The following CFDP1 variants were observed in gnomAD, a reference collection of about 807,000 sequenced individuals.
The protein encoded by CFDP1 is chromatin remodeling protein CFDP1, also known as heterochromatin-stabilizing protein CFDP1.
In CFDP1, 31 loss-of-function variants were observed where a neutral mutation model predicts 40.1. The ratio of observed to expected loss-of-function variants is 0.77; its 90% CI spans 0.58 to 1.04. The LOEUF is 1.04. CFDP1 is among the 50% of genes least tolerant of loss of function. CFDP1 has a pLI of 0.00. For missense variants in CFDP1, 423 were observed against 343.4 expected, an observed-to-expected ratio of 1.23 and a Z score of -1.83; for synonymous variants, 167 against 120.0, an observed-to-expected ratio of 1.39 and a Z score of -2.56.
chr16:75,346,014 A>G (rs1441461281), intron 5 of CFDP1, among the ~76,000 whole-genome samples: 1 of 152,232 alleles, frequency 6.6e-6, no homozygotes, highest in African/African-American at 2.4e-5. Context: ...TGTGAAGTGA[A>G]AAAGAATTGG....
At chr16:75,398,436 G>T (rs4888406) in intron 4 of CFDP1, among the ~76,000 whole-genome samples, 75,057 of 151,886 alleles carry the variant, frequency 0.49, 20,068 homozygotes, top group Admixed American at 0.63. Context: ...GAAAGTGAAT[G>T]GGCCTTCATG....
chr16:75,308,280 CT>C (rs146649587), intron 5 of CFDP1, among the ~76,000 whole-genome samples: 296 of 152,256 alleles, frequency 1.9e-3, no homozygotes, highest in African/African-American at 6.5e-3. Context: ...GCATCAAGCC[CT>C]CGTGGCCTTG....
chr16:75,381,951 G>A (rs1481026777), intron 5 of CFDP1, among the ~76,000 whole-genome samples: 3 of 151,918 alleles, frequency 2.0e-5, no homozygotes, highest in South Asian at 2.1e-4. Context: ...GGTAGCAGTC[G>A]AAAGCTCAGA....
intron 5 of CFDP1, among the ~76,000 whole-genome samples, chr16:75,386,328 C>G (rs2078897534): frequency 6.6e-6 from 1 of 152,228 alleles, no homozygotes; most frequent in Admixed American, 6.5e-5. Flanking sequence ...TTGAAAATCA[C>G]TATAGATAAT....
At chr16:75,384,949 G>A (rs555493769) in intron 5 of CFDP1, among the ~76,000 whole-genome samples, 2 of 136,858 alleles carry the variant, frequency 1.5e-5, no homozygotes, top group Non-Finnish European at 1.6e-5. Flanking sequence ...AAGTATCTAC[G>A]AATGCAATAC....
intron 5 of CFDP1, among the ~76,000 whole-genome samples, chr16:75,392,224 T>C (rs181467309): frequency 6.6e-6 from 1 of 151,792 alleles, no homozygotes; most frequent in African/African-American, 2.4e-5. Flanking sequence ...GCCAACATAG[T>C]GAAACCCCAT....
At chr16:75,329,401 C>T (rs921840597) in intron 5 of CFDP1, among the ~76,000 whole-genome samples, 1 of 152,172 alleles carries the variant, frequency 6.6e-6, no homozygotes, top group African/African-American at 2.4e-5. Flanking sequence ...ACAGTACATT[C>T]TGACTTTTCA....
At chr16:75,313,203 G>A (rs139191513) in intron 5 of CFDP1, among the ~76,000 whole-genome samples, 31 of 152,338 alleles carry the variant, frequency 2.0e-4, no homozygotes, top group Non-Finnish European at 2.1e-4. Flanking sequence ...TTAGGAAAGT[G>A]CAGATCCTCT....
At chr16:75,338,015 C>A (rs977305028) in intron 5 of CFDP1, among the ~76,000 whole-genome samples, 3 of 152,168 alleles carry the variant, frequency 2.0e-5, no homozygotes, top group East Asian at 1.9e-4. Flanking sequence ...CCCAGCTCAG[C>A]CACTTATTCA....
At chr16:75,410,508 T>A (rs1047778058) in intron 4 of CFDP1, among the ~76,000 whole-genome samples, 1 of 152,138 alleles carries the variant, frequency 6.6e-6, no homozygotes, top group Non-Finnish European at 1.5e-5. Context: ...GGACAGTGGC[T>A]CATGCCTGTA....
At chr16:75,344,125 T>C (rs891046521) in intron 5 of CFDP1, among the ~76,000 whole-genome samples, 4 of 152,354 alleles carry the variant, frequency 2.6e-5, no homozygotes, top group Admixed American at 2.0e-4. Flanking sequence ...GATGAATTGC[T>C]TGGCTACTGG....
chr16:75,393,844 G>C (rs1318372448), intron 5 of CFDP1, among the ~76,000 whole-genome samples: 1 of 150,932 alleles, frequency 6.6e-6, no homozygotes, highest in Non-Finnish European at 1.5e-5. Context: ...CAGATCACGA[G>C]GTCAGGAGAT....
In CFDP1 at chr16:75,417,471, G is replaced by C. The variant is rs534748873; in HGVS notation, c.65-2776C>G. On this transcript the variant is annotated intron_variant, in intron 1 of 6. Transcript: ENST00000283882. ...AAACAGAAAAAAAAGGAGAGGAAAAGCAAAAGAACAGTGTATGAAATATGC... is the reference window on the plus strand; with the variant it reads ...AAACAGAAAAAAAAGGAGAGGAAAACCAAAAGAACAGTGTATGAAATATGC... Among the ~76,000 whole-genome samples the C allele has an allele frequency of 3.9e-5, 6 of 152,186 alleles. No homozygotes were observed. In the East Asian group the frequency reaches 7.7e-4, roughly 20 times the overall value.
At chr16:75,376,559 T>C (rs1380970384) in intron 5 of CFDP1, among the ~76,000 whole-genome samples, 6 of 152,116 alleles carry the variant, frequency 3.9e-5, no homozygotes, top group Admixed American at 1.3e-4. Context: ...ATGATAAAAA[T>C]CAGTAGTTGC....
chr16:75,349,682 A>ATATATAT (rs60815655), intron 5 of CFDP1, among the ~76,000 whole-genome samples: 5 of 7,398 alleles, frequency 6.8e-4, no homozygotes, highest in African/African-American at 1.2e-3. Flanking sequence ...AAAAAAAAAA[A>ATATATAT]AAAAAAAAAT....
rs374882100 is a variant in CFDP1 at position 75,334,535 on chromosome 16, AAAG to A, written c.651-29356_651-29354del. ...CGCAGAGGGTGGAGGAGGTTTCTATAAAGGAGGGAGGAAGAGAGAAGGGTGACT... is the reference window on the plus strand; with the variant it reads ...CGCAGAGGGTGGAGGAGGTTTCTATAGAGGGAGGAAGAGAGAAGGGTGACT... On this transcript the variant is annotated intron_variant, in intron 5 of 6. Coordinates refer to ENST00000283882, the MANE Select transcript of CFDP1 (RefSeq NM_006324.3). Among the ~76,000 whole-genome samples the A allele has an allele frequency of 2.0e-3, 309 of 151,528 alleles. 2 individuals carry two copies. Among genetic ancestry groups the A allele is most frequent in the South Asian group, 4.0e-3 (19 of 4,768 alleles).
intron 1 of CFDP1, among the ~76,000 whole-genome samples, chr16:75,431,103 G>A (rs1372942717): frequency 1.3e-5 from 2 of 151,916 alleles, no homozygotes; most frequent in Non-Finnish European, 2.9e-5. Context: ...AAAGTAATCT[G>A]TATAACATAC....
At chr16:75,389,491 C>T (rs1239272478) in intron 5 of CFDP1, among the ~76,000 whole-genome samples, 2 of 152,118 alleles carry the variant, frequency 1.3e-5, no homozygotes, top group Non-Finnish European at 2.9e-5. Context: ...AACATTTGCT[C>T]CTCTAAATCT....
intron 3 of CFDP1, 115 bp from the exon 4 acceptor site, chr16:75,412,067 G>T: frequency 1.8e-6 from 2 of 1,105,940 alleles, no homozygotes; most frequent in Non-Finnish European, 2.5e-6. Flanking sequence ...CCAAGCTGGA[G>T]TGCAGTAACA....
Sources: allele counts gnomAD v4.1 joint callset (sites outside exome capture counted in the v4.1 genomes callset), GRCh38; gene constraint gnomAD v4.1.1; transcripts MANE v1.5; gene names NCBI Gene and HGNC (gene_info 2026-07-23, HGNC 2026-07-21).